The following ATAD1 variants were observed in gnomAD, a reference collection of about 807,000 sequenced individuals.
ATAD1 encodes outer mitochondrial transmembrane helix translocase.
ATAD1 carries 18 observed loss-of-function variants against 42.7 expected under a neutral mutation model. That is an observed-to-expected ratio of 0.42 (90% CI 0.29 to 0.63). The LOEUF (loss-of-function observed/expected upper bound fraction) is 0.63, where lower values mean the gene tolerates loss of function less well. ATAD1 is among the 20% of genes least tolerant of loss of function. The pLI is 0.19. For missense variants in ATAD1, 294 were observed against 440.4 expected, an observed-to-expected ratio of 0.67 and a Z score of 2.98; for synonymous variants, 132 against 143.1, an observed-to-expected ratio of 0.92 and a Z score of 0.55.
At chr10:87,775,632 G>A (rs1855271475) in intron 6 of ATAD1, among the ~76,000 whole-genome samples, 1 of 151,254 alleles carries the variant, frequency 6.6e-6, no homozygotes, top group African/African-American at 2.4e-5. Context: ...CCACTAAGCT[G>A]ACAAGAAAGC....
chr10:87,801,823 G>C (rs910409153), intron 2 of ATAD1, among the ~76,000 whole-genome samples: 3 of 152,156 alleles, frequency 2.0e-5, no homozygotes, highest in African/African-American at 7.2e-5. Context: ...CATCAAAATA[G>C]AAGAAAAACT....
At chr10:87,773,591 C>T (rs912911119) in intron 6 of ATAD1, among the ~76,000 whole-genome samples, 1 of 152,134 alleles carries the variant, frequency 6.6e-6, no homozygotes, top group Admixed American at 6.5e-5. Context: ...AATAAAAAGG[C>T]AGCAGCATTT....
At chr10:87,762,906 TAAAAA>T (rs111774830) in intron 8 of ATAD1, among the ~76,000 whole-genome samples, 1 of 106,034 alleles carries the variant, frequency 9.4e-6, no homozygotes, top group African/African-American at 3.2e-5. Flanking sequence ...CCGTCTCTAC[TAAAAA>T]AAAAAAAATA....
chr10:87,804,017 A>G (rs1235989098), intron 2 of ATAD1, among the ~76,000 whole-genome samples: 1 of 152,224 alleles, frequency 6.6e-6, no homozygotes, highest in East Asian at 1.9e-4. Flanking sequence ...CCTTGGGTTT[A>G]AAAGCCACTT....
At chr10:87,812,630 T>C (rs72814130) in intron 2 of ATAD1, among the ~76,000 whole-genome samples, 6,474 of 152,272 alleles carry the variant, frequency 0.043, 226 homozygotes, top group Non-Finnish European at 0.071. Flanking sequence ...CAAGAAGCTA[T>C]AGCCGTTGGC....
chr10:87,756,857 T>C lies in ATAD1; in HGVS notation c.897A>G (p.Leu299=). 1.2e-6 allele frequency: 2 copies of C among 1,612,836 alleles called. No individual in the cohort carries two copies. Among genetic ancestry groups the C allele is most frequent in the Non-Finnish European group, 1.7e-6 (2 of 1,179,330 alleles). The change falls in exon 9 of 10, where the codon CTA becomes CTG. Residue 299 remains leucine (L), a synonymous_variant. Coordinates refer to ENST00000680024, the MANE Select transcript of ATAD1 (RefSeq NM_001321967.2). ...GGGCAGCATCTCGACACATCTCTTT[T>C]AGGTCACTTCCTGAAAACCCATCAG... ...QETDGFSGSD[L]KEMCRDAALL... is the part of the protein sequence containing the mutation.
At chr10:87,831,311 C>G (rs889977471) in intron 1 of ATAD1, among the ~76,000 whole-genome samples, 7 of 152,170 alleles carry the variant, frequency 4.6e-5, no homozygotes, top group Admixed American at 1.3e-4. Flanking sequence ...TTCAGAGAAC[C>G]CTTCAGTGTT....
At chr10:87,784,020 T>C (rs1855699964) in intron 5 of ATAD1, among the ~76,000 whole-genome samples, 2 of 151,740 alleles carry the variant, frequency 1.3e-5, no homozygotes, top group Admixed American at 6.6e-5. Context: ...AAAGAAATAT[T>C]GACAATTCAC....
Position 87,809,708 on chromosome 10 carries a change from G to A in ATAD1, c.162+4730C>T, listed in dbSNP as rs1029687083. The stretch of plus-strand genomic sequence containing the variant: ...TTTCTCTCTTGTTGCCCAGGCTGGA[G>A]TGCAATGGCGCAATCTCGGCTCATT... On this transcript the variant is annotated intron_variant, in intron 2 of 9. Transcript: ENST00000680024. Among the ~76,000 whole-genome samples the A allele has an allele frequency of 9.9e-5, 15 of 151,926 alleles. No individual in the cohort carries two copies. In the East Asian group the frequency reaches 1.2e-3, roughly 12 times the overall value.
chr10:87,766,476 G>A (rs1482081785), intron 8 of ATAD1, among the ~76,000 whole-genome samples: 1 of 151,992 alleles, frequency 6.6e-6, no homozygotes, highest in Non-Finnish European at 1.5e-5. Context: ...AGATCTCAAC[G>A]ATACGTAAAA....
chr10:87,806,058 T>C (rs1215678794), intron 2 of ATAD1, among the ~76,000 whole-genome samples: 1 of 152,112 alleles, frequency 6.6e-6, no homozygotes, highest in Non-Finnish European at 1.5e-5. Flanking sequence ...GATAACCAAA[T>C]AATCTCTGAG....
intron 4 of ATAD1, among the ~76,000 whole-genome samples, chr10:87,785,760 A>G (rs1589506241): frequency 6.6e-6 from 1 of 151,844 alleles, no homozygotes; most frequent in South Asian, 2.1e-4. Context: ...ACCTGATTCC[A>G]TAACTCTAGC....
intron 1 of ATAD1, among the ~76,000 whole-genome samples, chr10:87,816,326 A>G (rs962359375): frequency 1.3e-5 from 2 of 152,312 alleles, no homozygotes; most frequent in South Asian, 4.1e-4. Context: ...AAGGTTCCAC[A>G]TTTCTCCACT....
chr10:87,788,900 C>T (rs144381355), intron 4 of ATAD1, among the ~76,000 whole-genome samples: 14 of 152,160 alleles, frequency 9.2e-5, no homozygotes, highest in African/African-American at 2.9e-4. Flanking sequence ...GGGGAAATCA[C>T]AATAAACTGA....
rs375961768 is a variant in ATAD1 at position 87,780,938 on chromosome 10, C to T, written c.583+3532G>A. Among the ~76,000 whole-genome samples the T allele has an allele frequency of 2.2e-4, 33 of 152,246 alleles. 1 individual carries two copies. The highest frequency in any genetic ancestry group is 3.4e-3 in the Middle Eastern group (1 of 294). ...CTGAGGGGTAAAAATGTCCTCCTTA[C>T]ACAAAAAACTAGGACCATGGGGAGT... On this transcript the variant is annotated intron_variant, in intron 5 of 9. Transcript: ENST00000680024.
intron 2 of ATAD1, among the ~76,000 whole-genome samples, chr10:87,809,641 T>C (rs1221797466): frequency 6.7e-6 from 1 of 150,246 alleles, no homozygotes; most frequent in Non-Finnish European, 1.5e-5. Context: ...TATTTATTAA[T>C]TTTATTTATT....
At chr10:87,772,873 T>C (rs2131824343) in intron 6 of ATAD1, among the ~76,000 whole-genome samples, 1 of 152,278 alleles carries the variant, frequency 6.6e-6, no homozygotes, top group African/African-American at 2.4e-5. Context: ...AGCTAAAATA[T>C]AAAACAGGAA....
At chr10:87,773,840 C>T (rs1406774023) in intron 6 of ATAD1, among the ~76,000 whole-genome samples, 2 of 152,158 alleles carry the variant, frequency 1.3e-5, no homozygotes, top group East Asian at 3.9e-4. Flanking sequence ...CTTACATGGG[C>T]TAACTATCCA....
intron 1 of ATAD1, chr10:87,832,972 G>C (rs1857861040): frequency 6.6e-6 from 1 of 152,078 alleles, no homozygotes; most frequent in African/African-American, 2.4e-5. Flanking sequence ...CCCACCCCTA[G>C]GAGGTCACCA....
Sources: allele counts gnomAD v4.1 joint callset (sites outside exome capture counted in the v4.1 genomes callset), GRCh38; gene constraint gnomAD v4.1.1; transcripts MANE v1.5; gene names NCBI Gene and HGNC (gene_info 2026-07-23, HGNC 2026-07-21).